The following GXYLT2 variants were observed in gnomAD, a reference collection of about 807,000 sequenced individuals.
GXYLT2 encodes the protein glycosyltransferase 8 domain containing 4.
GXYLT2 carries 53 observed loss-of-function variants against 45.8 expected under a neutral mutation model. The observed-to-expected ratio is 1.16, with a 90% CI of 0.93 to 1.46. GXYLT2 has a LOEUF of 1.46. Among genes scored for constraint, GXYLT2 ranks in the 40% most tolerant of loss-of-function variants. GXYLT2 has a pLI of 0.00. For synonymous variants in GXYLT2, 219 were observed against 214.2 expected, an observed-to-expected ratio of 1.02 and a Z score of -0.19; for missense variants, 551 against 544.4, an observed-to-expected ratio of 1.01 and a Z score of -0.12.
intron 1 of GXYLT2, among the ~76,000 whole-genome samples, chr3:72,902,600 G>T (rs747417092): frequency 6.6e-6 from 1 of 152,166 alleles, no homozygotes; most frequent in African/African-American, 2.4e-5. Context: ...ACTTTGATAG[G>T]CCAAGGTGGG....
intron 2 of GXYLT2, among the ~76,000 whole-genome samples, chr3:72,920,566 G>T (rs888801420): frequency 6.6e-6 from 1 of 151,996 alleles, no homozygotes; most frequent in Non-Finnish European, 1.5e-5. Context: ...ACCAACACCT[G>T]GCTGACTTTC....
At chr3:72,926,767 A>G (rs1709926345) in intron 3 of GXYLT2, among the ~76,000 whole-genome samples, 1 of 152,210 alleles carries the variant, frequency 6.6e-6, no homozygotes, top group South Asian at 2.1e-4. Context: ...TGGATTGCAG[A>G]ACCTTTAGAG....
intron 3 of GXYLT2, among the ~76,000 whole-genome samples, 191 bp from the exon 4 acceptor site, chr3:72,954,907 G>A (rs1710604771): frequency 6.6e-6 from 1 of 152,074 alleles, no homozygotes; most frequent in African/African-American, 2.4e-5. Context: ...CCTCTTGATT[G>A]ACACTCATTC....
At chr3:72,944,862 C>T (rs1436064668) in intron 3 of GXYLT2, among the ~76,000 whole-genome samples, 2 of 152,060 alleles carry the variant, frequency 1.3e-5, no homozygotes, top group Non-Finnish European at 2.9e-5. Context: ...GAATGATGTG[C>T]GTAGCAACCT....
rs1316372485 is a variant in GXYLT2 at position 72,929,226 on chromosome 3, A to G, written c.600+6891A>G. 10 of 1,568,656 alleles carry G rather than the reference A, an allele frequency of 6.4e-6. No homozygotes were observed. The African/African-American group carries it at 6.7e-5, about 11-fold the overall frequency. Reference sequence around the variant, plus strand: ...AAATACTTTCTTCACCAATCTCATGAGGAGAGGGAACATGCCGAGAAACTG... The same window carrying G: ...AAATACTTTCTTCACCAATCTCATGGGGAGAGGGAACATGCCGAGAAACTG... On this transcript the variant is annotated intron_variant, in intron 3 of 6. Transcript: ENST00000389617.
At chr3:72,925,200 A>G (rs1380862695) in intron 3 of GXYLT2, among the ~76,000 whole-genome samples, 1 of 145,430 alleles carries the variant, frequency 6.9e-6, no homozygotes, top group Admixed American at 6.9e-5. Flanking sequence ...TCTGTCGCCC[A>G]GGCTGGAGTG....
At chr3:72,947,893 A>G (rs1424017400) in intron 3 of GXYLT2, among the ~76,000 whole-genome samples, 1 of 152,182 alleles carries the variant, frequency 6.6e-6, no homozygotes, top group African/African-American at 2.4e-5. Flanking sequence ...TTTTTGTTTC[A>G]AAGCCCTCTG....
rs1180031444 is a variant in GXYLT2 at position 72,893,380 on chromosome 3, A to AT, written c.275+4879dup. 7.3e-5 allele frequency among the ~76,000 whole-genome samples: 11 copies of AT among 151,678 alleles called. No individual in the cohort carries two copies. In the South Asian group the frequency reaches 2.1e-3, roughly 29 times the overall value. On this transcript the variant is annotated intron_variant, in intron 1 of 6. Coordinates refer to ENST00000389617, the MANE Select transcript of GXYLT2 (RefSeq NM_001080393.2). ...ACATCCTAACACGGCTAACTCCTCC[A>AT]TTTTTTTCAGGACTATGCTCAAATG...
At chr3:72,922,393 G>A (rs1421931861) in intron 3 of GXYLT2, 58 bp downstream of exon 3, 2 of 1,538,460 alleles carry the variant, frequency 1.3e-6, no homozygotes, top group South Asian at 1.2e-5. Context: ...GGTAAAATTA[G>A]CTGAGATGTG....
At chr3:72,951,824 TTTTG>T (rs1350388043) in intron 3 of GXYLT2, among the ~76,000 whole-genome samples, 2 of 151,998 alleles carry the variant, frequency 1.3e-5, no homozygotes, top group East Asian at 1.9e-4. Context: ...TTGTTTATTT[TTTTG>T]TTTTTTTGTT....
At chr3:72,944,269 T>TA (rs1342193043) in intron 3 of GXYLT2, among the ~76,000 whole-genome samples, 1 of 149,510 alleles carries the variant, frequency 6.7e-6, no homozygotes, top group Non-Finnish European at 1.5e-5. Flanking sequence ...TTTTCTTTTT[T>TA]TTTTTGAGAC....
rs1196915834 is a variant in GXYLT2 at position 72,970,043 on chromosome 3, AC to A, written c.1149+2328del. 2.6e-5 allele frequency among the ~76,000 whole-genome samples: 4 copies of A among 151,716 alleles called. No individual in the cohort carries two copies. The East Asian group carries it at 7.8e-4, about 29-fold the overall frequency. On this transcript the variant is annotated intron_variant, in intron 6 of 6. Transcript: ENST00000389617. Reference sequence around the variant, plus strand: ...AGGTCAGCGCAGCCAACATAGTGAGACCCCATCTCAAAAAAAAATAAAATCG... The same window carrying A: ...AGGTCAGCGCAGCCAACATAGTGAGACCCATCTCAAAAAAAAATAAAATCG...
intron 6 of GXYLT2, 147 bp from the exon 7 acceptor site, chr3:72,974,830 T>C: frequency 1.7e-6 from 1 of 576,680 alleles, no homozygotes; most frequent in South Asian, 2.6e-5. Flanking sequence ...GACAGGATTT[T>C]AAGTTAGATC....
At chr3:72,959,467 C>T (rs1473625335) in intron 5 of GXYLT2, among the ~76,000 whole-genome samples, 1 of 151,662 alleles carries the variant, frequency 6.6e-6, no homozygotes, top group Non-Finnish European at 1.5e-5. Context: ...CATTATGTTG[C>T]CCAAGGTCAT....
At position 72,955,154 on chromosome 3, in the gene GXYLT2, G is replaced by C. The variant is rs1375399959; in HGVS notation, c.657G>C (p.Leu219=). 6 of 1,613,986 alleles carry C rather than the reference G, an allele frequency of 3.7e-6. No homozygotes were observed. The South Asian group carries it at 5.5e-5, about 15-fold the overall frequency. The change falls in exon 4 of 7, where the codon CTG becomes CTC. Residue 219 remains leucine (L), a synonymous_variant. Transcript: ENST00000389617. ...ACGTGGACACCGATGTCCTCTTTCT[G>C]AGACCTGTTGATGACATCTGGAAGC... The part of the protein sequence containing the change: ...LLYVDTDVLF[L]RPVDDIWKLL...
intron 1 of GXYLT2, among the ~76,000 whole-genome samples, chr3:72,890,893 A>G (rs1709170622): frequency 6.6e-6 from 1 of 152,202 alleles, no homozygotes; most frequent in South Asian, 2.1e-4. Context: ...AAACTGGGGA[A>G]GGAGTAAAAA....
At chr3:72,954,306 A>G (rs1293431787) in intron 3 of GXYLT2, among the ~76,000 whole-genome samples, 2 of 151,112 alleles carry the variant, frequency 1.3e-5, no homozygotes, top group African/African-American at 4.9e-5. Context: ...CAGGGTTTCA[A>G]CATGTTGGCC....
intron 3 of GXYLT2, among the ~76,000 whole-genome samples, chr3:72,928,803 A>C (rs552367389): frequency 1.4e-3 from 213 of 152,268 alleles, no homozygotes; most frequent in Non-Finnish European, 2.5e-3. Flanking sequence ...AACCCCATAA[A>C]AAAATAAATT....
intron 3 of GXYLT2, among the ~76,000 whole-genome samples, chr3:72,923,191 C>G (rs9881348): frequency 0.26 from 39,833 of 151,830 alleles, 10,062 homozygotes; most frequent in African/African-American, 0.67. Flanking sequence ...GGAGGCAGAG[C>G]TTGCAGTGAG....
Sources: gnomAD v4.1 joint callset for allele counts (sites outside exome capture counted in the v4.1 genomes callset) on GRCh38, gnomAD v4.1.1 for gene constraint, MANE v1.5 for transcripts, NCBI Gene and HGNC (gene_info 2026-07-23, HGNC 2026-07-21) for gene names.